FAT3: variants seen among roughly 807,000 people sequenced by gnomAD.
The protein encoded by FAT3 is protocadherin Fat 3.
In FAT3, 95 loss-of-function variants were observed where a neutral mutation model predicts 310.2. The ratio of observed to expected loss-of-function variants is 0.31; its 90% CI spans 0.26 to 0.36. The LOEUF is 0.36. FAT3 is among the 10% of genes least tolerant of loss of function. FAT3 has a pLI of 1.00. For missense variants in FAT3, 5,408 were observed against 5,715.6 expected (o/e 0.95, Z 1.74); for synonymous variants, 2,314 against 2,192.9 (o/e 1.06, Z -1.54).
At chr11:92,790,685 AT>A (rs1216137830) in intron 8 of FAT3, among the ~76,000 whole-genome samples, 18 of 152,220 alleles carry the variant, frequency 1.2e-4, no homozygotes, top group Non-Finnish European at 1.3e-4. Flanking sequence ...CTAGTAGTAA[AT>A]ACTGGCACAC....
At chr11:92,261,712 A>G (rs558075688) in intron 1 of FAT3, among the ~76,000 whole-genome samples, 1 of 152,170 alleles carries the variant, frequency 6.6e-6, no homozygotes, top group South Asian at 2.1e-4. Context: ...ATTGTAACAT[A>G]TATTTATTCT....
intron 19 of FAT3, among the ~76,000 whole-genome samples, chr11:92,856,552 C>T (rs542168048): frequency 2.0e-5 from 3 of 152,288 alleles, no homozygotes; most frequent in Admixed American, 2.0e-4. Context: ...TTTCATCTTA[C>T]TGTGCTGTGA....
chr11:92,258,168 G>T (rs1417833826), intron 1 of FAT3, among the ~76,000 whole-genome samples: 1 of 152,124 alleles, frequency 6.6e-6, no homozygotes, highest in Non-Finnish European at 1.5e-5. Flanking sequence ...ATATACTCCA[G>T]TAGAGAGACC....
At chr11:92,242,476 T>G (rs1213966730) in intron 1 of FAT3, among the ~76,000 whole-genome samples, 3 of 151,954 alleles carry the variant, frequency 2.0e-5, no homozygotes, top group Non-Finnish European at 4.4e-5. Flanking sequence ...TGGTAGGATC[T>G]TTCATCTCCT....
intron 2 of FAT3, among the ~76,000 whole-genome samples, chr11:92,492,408 A>G (rs914008976): frequency 7.2e-5 from 11 of 151,956 alleles, no homozygotes; most frequent in Non-Finnish European, 7.4e-5. Context: ...TGCAATTTCC[A>G]CATCTTTAAA....
intron 2 of FAT3, among the ~76,000 whole-genome samples, chr11:92,491,026 G>C (rs1441612504): frequency 6.6e-6 from 1 of 151,964 alleles, no homozygotes; most frequent in Non-Finnish European, 1.5e-5. Context: ...AAATAAAACA[G>C]TTAGGGGCCT....
At chr11:92,829,328 G>A (rs193282621) in intron 13 of FAT3, among the ~76,000 whole-genome samples, 207 of 152,300 alleles carry the variant, frequency 1.4e-3, no homozygotes, top group Admixed American at 1.9e-3. Context: ...CAAGAGCAGC[G>A]TACCATATGC....
At chr11:92,590,320 A>G (rs1405222698) in intron 3 of FAT3, among the ~76,000 whole-genome samples, 1 of 152,172 alleles carries the variant, frequency 6.6e-6, no homozygotes, top group Non-Finnish European at 1.5e-5. Context: ...GTTGGACTCA[A>G]CAATTGCAGG....
chr11:92,486,413 A>G (rs1206972446), intron 2 of FAT3, among the ~76,000 whole-genome samples: 2 of 151,528 alleles, frequency 1.3e-5, no homozygotes, highest in Admixed American at 6.6e-5. Context: ...GGTCATGTCC[A>G]TCTCATATTT....
At chr11:92,378,140 A>G (rs1253066456) in intron 2 of FAT3, among the ~76,000 whole-genome samples, 1 of 152,160 alleles carries the variant, frequency 6.6e-6, no homozygotes, top group Admixed American at 6.6e-5. Flanking sequence ...TGACCCTAGG[A>G]AGGATTTTAG....
At chr11:92,263,650 T>G (rs111275043) in intron 1 of FAT3, among the ~76,000 whole-genome samples, 11,625 of 148,976 alleles carry the variant, frequency 0.078, 498 homozygotes, top group Admixed American at 0.14. Flanking sequence ...TATATATATA[T>G]ATATAGAGAG....
intron 3 of FAT3, among the ~76,000 whole-genome samples, chr11:92,615,652 G>C (rs1177236608): frequency 6.6e-6 from 1 of 152,204 alleles, no homozygotes; most frequent in African/African-American, 2.4e-5. Flanking sequence ...CTTTAAATGT[G>C]TGCCAGAGAT....
intron 1 of FAT3, among the ~76,000 whole-genome samples, chr11:92,314,693 T>C (rs573149032): frequency 3.3e-5 from 5 of 152,290 alleles, no homozygotes; most frequent in African/African-American, 1.2e-4. Flanking sequence ...GGGAACTGAA[T>C]GTCCCAAGAC....
At chr11:92,581,148 T>TC (rs1412769735) in intron 3 of FAT3, among the ~76,000 whole-genome samples, 1 of 151,944 alleles carries the variant, frequency 6.6e-6, no homozygotes, top group Non-Finnish European at 1.5e-5. Flanking sequence ...AGTCTGGCCC[T>TC]CCCCATCCAG....
intron 3 of FAT3, among the ~76,000 whole-genome samples, chr11:92,586,270 C>A (rs184457058): frequency 1.3e-5 from 2 of 152,002 alleles, no homozygotes; most frequent in East Asian, 3.9e-4. Context: ...TAGCTCTGCC[C>A]AGTGAGAAGT....
In FAT3 at chr11:92,799,796, C is replaced by T. The variant is rs376287013; in HGVS notation, c.6783C>T (p.Ser2261=). Residue 2261 remains serine, a synonymous_variant, in exon 10 of 28, where the codon AGC becomes AGT. Transcript: ENST00000525166. ...TSAYKLTIRA[S]DALTGARAEV... is the part of the protein sequence containing the mutation. ...CTTACAAGCTGACAATAAGAGCCAG[C>T]GACGCCCTTACTGGTGCTAGGGCTG... The T allele has an allele frequency of 5.3e-5, 85 of 1,612,552 alleles. No individual in the cohort carries two copies. Among genetic ancestry groups the T allele is most frequent in the South Asian group, 1.3e-4 (12 of 90,798 alleles).
chr11:92,431,980 G>A (rs531366381), intron 2 of FAT3, among the ~76,000 whole-genome samples: 18 of 152,216 alleles, frequency 1.2e-4, no homozygotes, highest in African/African-American at 2.9e-4. Flanking sequence ...TTGGCAATGC[G>A]GGCTCTTTTT....
chr11:92,534,291 A>G (rs1954175634), intron 3 of FAT3, among the ~76,000 whole-genome samples: 1 of 152,140 alleles, frequency 6.6e-6, no homozygotes, highest in African/African-American at 2.4e-5. Context: ...GGGGAGGGGA[A>G]CAAAACTCTG....
At chr11:92,655,292 G>C (rs1045412784) in intron 3 of FAT3, among the ~76,000 whole-genome samples, 5 of 152,010 alleles carry the variant, frequency 3.3e-5, no homozygotes, top group African/African-American at 1.2e-4. Flanking sequence ...ACAGCAACAG[G>C]GTCAGTTTTG....
Sources: allele counts gnomAD v4.1 joint callset (sites outside exome capture counted in the v4.1 genomes callset), GRCh38; gene constraint gnomAD v4.1.1; transcripts MANE v1.5; gene names NCBI Gene and HGNC (gene_info 2026-07-23, HGNC 2026-07-21).